The following RFX1 variants were observed in gnomAD, a reference collection of about 807,000 sequenced individuals.
RFX1 encodes the protein MHC class II regulatory factor RFX1.
Under a neutral mutation model 119.6 loss-of-function variants are expected in RFX1, and 42 were observed. The ratio of observed to expected loss-of-function variants is 0.35; its 90% CI spans 0.27 to 0.45. RFX1 has a LOEUF of 0.45. Ranked by LOEUF, RFX1 falls within the 20% of genes least tolerant of loss-of-function variation. The pLI is 1.00. For synonymous variants in RFX1, 628 were observed against 618.5 expected, an observed-to-expected ratio of 1.02 and a Z score of -0.23; for missense variants, 1,118 against 1,368.1, an observed-to-expected ratio of 0.82 and a Z score of 2.88.
intron 5 of RFX1, among the ~76,000 whole-genome samples, chr19:13,981,341 A>T (rs983162814): frequency 6.6e-6 from 1 of 152,214 alleles, no homozygotes; most frequent in African/African-American, 2.4e-5. Context: ...CACGCCTGTA[A>T]TCCCAGCACT....
At position 13,983,579 on chromosome 19, in the gene RFX1, G is replaced by A; in HGVS notation, c.336C>T (p.Ala112=). 1.9e-6 allele frequency: 3 copies of A among 1,604,996 alleles called. No homozygotes were observed. Among genetic ancestry groups the A allele is most frequent in the Non-Finnish European group, 2.5e-6 (3 of 1,177,518 alleles). The part of the protein sequence containing the change: ...VVTVSEGAMR[A]SETVSEASPG... ...GGCTGGCCTCCGACACTGTCTCGCT[G>A]GCCCGCATGGCACCTTCTGTGGGGA... Residue 112 remains alanine (A), a synonymous_variant, in exon 3 of 21, where the codon GCC becomes GCT. Transcript: ENST00000254325.
Position 13,980,803 on chromosome 19 carries a change from G to GTCTGTGTGTGTGT in RFX1, c.622-115_622-114insACACACACACAGA. ...CTGTCTGGGGAGGGCGGCAGTCTGT[G>GTCTGTGTGTGTGT]GGGACCTATCCCAACCACCGAGGCT... On this transcript the variant is annotated intron_variant, in intron 5 of 20. Coordinates refer to ENST00000254325, the MANE Select transcript of RFX1 (RefSeq NM_002918.5). The surrounding 1 kb of genome is among the most constrained non-coding windows in gnomAD (Gnocchi z 5.1). 1.6e-6 allele frequency: 1 copy of GTCTGTGTGTGTGT among 626,368 alleles called. No individual in the cohort carries two copies. Among genetic ancestry groups the GTCTGTGTGTGTGT allele is most frequent in the Non-Finnish European group, 2.8e-6 (1 of 359,044 alleles). 38.8% of individuals were successfully genotyped at this position (626,368 alleles called of 1,614,324 possible).
rs777787788 is a variant in RFX1, at chr19:13,963,666, C to T, written c.2442G>A (p.Gln814=). The T allele has an allele frequency of 2.8e-5, 45 of 1,603,566 alleles. No individual in the cohort carries two copies. The highest frequency in any genetic ancestry group is 3.7e-5 in the Non-Finnish European group (43 of 1,177,678). The change falls in exon 18 of 21, where the codon CAG becomes CAA. Residue 814 remains glutamine (Q), a synonymous_variant. Coordinates refer to ENST00000254325, the MANE Select transcript of RFX1 (RefSeq NM_002918.5). Reference sequence around the variant, plus strand: ...CCGCCCACTGCTCCAGCGAGTTCTGCTGCTGCAGCGTCACCTTGAAGTCCT... The same window carrying T: ...CCGCCCACTGCTCCAGCGAGTTCTGTTGCTGCAGCGTCACCTTGAAGTCCT... ...LEQDFKVTLQ[Q]QNSLEQWAAW...
At chr19:13,987,794 G>A (rs1375970191) in intron 2 of RFX1, among the ~76,000 whole-genome samples, 1 of 152,194 alleles carries the variant, frequency 6.6e-6, no homozygotes, top group African/African-American at 2.4e-5. Flanking sequence ...TGGGACCACT[G>A]TGAAAGGCGA....
chr19:13,975,950 C>T (rs554953855), intron 8 of RFX1, among the ~76,000 whole-genome samples: 28 of 152,334 alleles, frequency 1.8e-4, no homozygotes, highest in African/African-American at 6.7e-4. Flanking sequence ...CAACGATGAA[C>T]TAGGTGCAAT....
intron 2 of RFX1, 111 bp downstream of exon 2, chr19:13,993,414 C>G (rs1456263620): frequency 4.7e-6 from 5 of 1,060,512 alleles, no homozygotes; most frequent in Non-Finnish European, 5.4e-6. Flanking sequence ...TACCCCAAGT[C>G]CCATCCAGAA....
intron 9 of RFX1, among the ~76,000 whole-genome samples, chr19:13,971,294 C>T (rs928349881): frequency 6.6e-6 from 1 of 151,960 alleles, no homozygotes; most frequent in Non-Finnish European, 1.5e-5. Flanking sequence ...TGAGATTGCG[C>T]CACTGCACTC....
chr19:13,976,594 GGTT>G (rs1480892972), intron 8 of RFX1, among the ~76,000 whole-genome samples: 10 of 152,182 alleles, frequency 6.6e-5, no homozygotes, highest in African/African-American at 2.4e-4. Flanking sequence ...TCTGCACAGG[GGTT>G]ATTACACAGC....
At position 13,980,558 on chromosome 19, in the gene RFX1, G is replaced by C. The variant is rs769898061; in HGVS notation, c.738+15C>G. On this transcript the variant is annotated intron_variant, in intron 6 of 20. Transcript: ENST00000254325. The surrounding 1 kb of genome is among the most constrained non-coding windows in gnomAD (Gnocchi z 5.1). Reference sequence around the variant, plus strand: ...GTACCCCTGGACCGAGCCACTGCCCGCCTTGGCCTGGCACCTCTTGGGTGA... The same window carrying C: ...GTACCCCTGGACCGAGCCACTGCCCCCCTTGGCCTGGCACCTCTTGGGTGA... The C allele has an allele frequency of 2.0e-6, 3 of 1,523,840 alleles. No homozygotes were observed. The highest frequency in any genetic ancestry group is 3.7e-5 in the Admixed American group (2 of 54,376). 94.4% of individuals were successfully genotyped at this position (1,523,840 alleles called of 1,614,324 possible).
intron 16 of RFX1, 53 bp from the exon 17 acceptor site, chr19:13,964,060 G>T (rs1204830095): frequency 7.3e-6 from 11 of 1,501,200 alleles, no homozygotes; most frequent in Non-Finnish European, 8.9e-7. Flanking sequence ...CAGCCCGCCA[G>T]CCCTGGCCCC....
intron 1 of RFX1, among the ~76,000 whole-genome samples, chr19:14,001,919 T>C (rs1282239338): frequency 6.6e-6 from 1 of 152,208 alleles, no homozygotes; most frequent in African/African-American, 2.4e-5. Context: ...GTGGATCACC[T>C]GAGGTCAGGA....
At chr19:13,967,422 C>A (rs1973938325) in intron 12 of RFX1, among the ~76,000 whole-genome samples, 1 of 151,998 alleles carries the variant, frequency 6.6e-6, no homozygotes, top group Non-Finnish European at 1.5e-5. Flanking sequence ...GCAATTCCTC[C>A]CACCTCGGCC....
chr19:13,977,037 C>CT (rs1568467005), intron 8 of RFX1, among the ~76,000 whole-genome samples: 1 of 151,980 alleles, frequency 6.6e-6, no homozygotes, highest in African/African-American at 2.4e-5. Flanking sequence ...TGGCTCATGC[C>CT]TGTAATCCCA....
intron 8 of RFX1, among the ~76,000 whole-genome samples, chr19:13,973,773 G>A (rs567701631): frequency 1.3e-5 from 2 of 152,250 alleles, no homozygotes; most frequent in Admixed American, 6.5e-5. Context: ...TGGGAATACA[G>A]GGCTCACCAC....
In RFX1 at chr19:13,968,854, C is replaced by G. The variant is rs1368455521; in HGVS notation, c.1537G>C (p.Ala513Pro). The change falls in exon 11 of 21, where the codon GCC becomes CCC. Residue 513 changes from alanine to proline, a missense_variant. This residue lies in a region of RFX1 where 338 missense variants were observed against 508.9 expected (regional missense o/e 0.66). Transcript: ENST00000254325. This position sits in a 1 kb window ranked among gnomAD's most constrained non-coding sequence, Gnocchi z 5.5. ...KYHYYGLRIKASSPLLRLMED... is the reference protein window; with the variant it reads ...KYHYYGLRIKPSSPLLRLMED... Reference sequence around the variant, plus strand: ...ATCAGCCGCAGCAGGGGTGAGCTGGCCTTGATGCGCAGGCCATAGTAGTGG... The same window carrying G: ...ATCAGCCGCAGCAGGGGTGAGCTGGGCTTGATGCGCAGGCCATAGTAGTGG... 1 of 1,552,428 alleles carries G rather than the reference C, an allele frequency of 6.4e-7. No homozygotes were observed. The highest frequency in any genetic ancestry group is 8.7e-7 in the Non-Finnish European group (1 of 1,147,830).
At chr19:14,000,835 C>T (rs1975192593) in intron 1 of RFX1, among the ~76,000 whole-genome samples, 1 of 152,128 alleles carries the variant, frequency 6.6e-6, no homozygotes, top group Admixed American at 6.6e-5. Context: ...CGGCTCACGC[C>T]TGTAATCTCA....
intron 8 of RFX1, among the ~76,000 whole-genome samples, chr19:13,974,257 G>T (rs1463338734): frequency 6.6e-6 from 1 of 152,156 alleles, no homozygotes; most frequent in South Asian, 2.1e-4. Flanking sequence ...TAGAGAAGGC[G>T]ACGCTGTGAT....
rs567132441 is a variant in RFX1, at chr19:13,990,233, G to C, written c.319+3292C>G. On this transcript the variant is annotated intron_variant, in intron 2 of 20. Transcript: ENST00000254325. The surrounding 1 kb of genome is among the most constrained non-coding windows in gnomAD (Gnocchi z 4.1). ...CCCGTCCTTTGCTGACAAGGTCAGGGAGATGGGGAGAAGCAGCAGAGAGGA... is the reference window on the plus strand; with the variant it reads ...CCCGTCCTTTGCTGACAAGGTCAGGCAGATGGGGAGAAGCAGCAGAGAGGA... 6.6e-6 allele frequency among the ~76,000 whole-genome samples: 1 copy of C among 152,156 alleles called. No homozygotes were observed. The highest frequency in any genetic ancestry group is 1.5e-5 in the Non-Finnish European group (1 of 68,030).
chr19:13,968,351 A>G lies in RFX1; in HGVS notation c.1732+214T>C, dbSNP rs1231349023. 6.6e-6 allele frequency among the ~76,000 whole-genome samples: 1 copy of G among 152,104 alleles called. No homozygotes were observed. The highest frequency in any genetic ancestry group is 1.5e-5 in the Non-Finnish European group (1 of 68,010). ...CCCCCGAGAAATGCTTTGCATTGAA[A>G]GAAATGAGAATCTACCTTGAAGAAG... On this transcript the variant is annotated intron_variant, in intron 12 of 20. Coordinates refer to ENST00000254325, the MANE Select transcript of RFX1 (RefSeq NM_002918.5). The surrounding 1 kb of genome is among the most constrained non-coding windows in gnomAD (Gnocchi z 5.5).
Sources: allele counts gnomAD v4.1 joint callset (sites outside exome capture counted in the v4.1 genomes callset), GRCh38; gene constraint gnomAD v4.1.1; regional missense constraint gnomAD v4.1.1; non-coding constraint Gnocchi (gnomAD v3.1); transcripts MANE v1.5; gene names NCBI Gene and HGNC (gene_info 2026-07-23, HGNC 2026-07-21).